NHSL1: variants seen among roughly 807,000 people sequenced by gnomAD.
NHSL1 encodes NHS like 1, also known as NHS-like protein 1.
A neutral mutation model predicts 95.0 loss-of-function variants in NHSL1; 48 were observed. The observed-to-expected ratio is 0.51, with a 90% CI of 0.40 to 0.64. The LOEUF (loss-of-function observed/expected upper bound fraction) is 0.64, where lower values mean the gene tolerates loss of function less well. Ranked by LOEUF, NHSL1 falls within the 30% of genes least tolerant of loss-of-function variation. NHSL1 has a pLI of 0.00. For synonymous variants in NHSL1, 783 were observed against 833.9 expected (o/e 0.94, Z 1.05); for missense variants, 1,971 against 2,077.7 (o/e 0.95, Z 1.00).
rs1056333403 is a variant in NHSL1, at chr6:138,644,670, C to T, written c.96+47806G>A. ...TTATTACCTGAAAATCTGGTTTTTA[C>T]TTAAAAGGAGCAGGGACTGAGAGAT... On this transcript the variant is annotated intron_variant, in intron 1 of 3. Transcript: ENST00000491526. Among the ~76,000 whole-genome samples the T allele has an allele frequency of 5.3e-5, 8 of 152,234 alleles. No homozygotes were observed. In the East Asian group the frequency reaches 1.5e-3, roughly 29 times the overall value.
intron 1 of NHSL1, among the ~76,000 whole-genome samples, chr6:138,537,303 T>G (rs1212591338): frequency 1.3e-5 from 2 of 152,262 alleles, no homozygotes; most frequent in Non-Finnish European, 1.5e-5. Context: ...ATATTTGTGT[T>G]GCTACCACGC....
intron 1 of NHSL1, among the ~76,000 whole-genome samples, chr6:138,563,266 T>G (rs1783481551): frequency 6.6e-6 from 1 of 152,258 alleles, no homozygotes; most frequent in Non-Finnish European, 1.5e-5. Flanking sequence ...AAACATTCAC[T>G]AAATATTAGC....
At chr6:138,436,612 G>A (rs1776117422) in intron 5 of NHSL1, among the ~76,000 whole-genome samples, 1 of 152,248 alleles carries the variant, frequency 6.6e-6, no homozygotes, top group Non-Finnish European at 1.5e-5. Context: ...GTTAATTGAT[G>A]AAGGTGGCTA....
upstream of NHSL1, among the ~76,000 whole-genome samples, chr6:138,577,059 A>G (rs1263254919): frequency 1.3e-5 from 2 of 152,250 alleles, no homozygotes; most frequent in East Asian, 1.9e-4. Flanking sequence ...AGATTTATCT[A>G]TGCTTCTACC....
At chr6:138,518,983 G>C (rs563063585) in intron 1 of NHSL1, among the ~76,000 whole-genome samples, 1 of 151,892 alleles carries the variant, frequency 6.6e-6, no homozygotes, top group Non-Finnish European at 1.5e-5. Flanking sequence ...GCACCACTGC[G>C]CTCCAGCCTG....
upstream of NHSL1, among the ~76,000 whole-genome samples, chr6:138,504,097 T>C (rs1780832727): frequency 6.6e-6 from 1 of 151,918 alleles, no homozygotes; most frequent in Admixed American, 6.6e-5. Context: ...TAGCCCGGTG[T>C]GGTGGTTCAT....
intron 1 of NHSL1, among the ~76,000 whole-genome samples, chr6:138,624,997 TGAGA>T (rs991449916): frequency 2.0e-5 from 3 of 152,120 alleles, no homozygotes; most frequent in African/African-American, 4.8e-5. Flanking sequence ...TGTGTGTGTG[TGAGA>T]GAGAGATATT....
At chr6:138,623,014 T>C (rs898366985) in intron 1 of NHSL1, among the ~76,000 whole-genome samples, 3 of 152,130 alleles carry the variant, frequency 2.0e-5, no homozygotes, top group Non-Finnish European at 4.4e-5. Flanking sequence ...ATACGCATAA[T>C]ACAGGGCCCT....
chr6:138,429,590 A>G, intron 7 of NHSL1, 121 bp downstream of exon 7: 1 of 850,804 alleles, frequency 1.2e-6, no homozygotes, highest in South Asian at 2.2e-5. Flanking sequence ...ATCAACAGTA[A>G]AGTTAAGGAG....
chr6:138,433,258 C>T lies in NHSL1; in HGVS notation c.1087G>A (p.Ala363Thr). 1 of 1,551,542 alleles carries T rather than the reference C, an allele frequency of 6.4e-7. No individual in the cohort carries two copies. The highest frequency in any genetic ancestry group is 8.7e-7 in the Non-Finnish European group (1 of 1,146,972). ...CCTAAATGGCCTAAGTTTTCATCTG[C>T]TTGTGGGTGACCTCTCTGGTAGAGG... is the stretch of plus-strand genomic sequence containing the variant. ...TFLYQRGHPQ[A>T]DENLGHLGGA... Residue 363 changes from alanine to threonine, a missense_variant, in exon 6 of 8, where the codon GCA (alanine) becomes ACA (threonine). Physicochemically the swap from Ala to Thr is moderately conservative, Grantham distance 58. Coordinates refer to ENST00000343505, the MANE Select transcript of NHSL1 (RefSeq NM_001144060.2).
intron 1 of NHSL1, among the ~76,000 whole-genome samples, chr6:138,690,131 C>T (rs1210184889): frequency 6.6e-6 from 1 of 152,184 alleles, no homozygotes; most frequent in Non-Finnish European, 1.5e-5. Context: ...CCTTTACGGT[C>T]AATTCCAAGT....
At chr6:138,525,616 T>G (rs1460112714) in intron 1 of NHSL1, among the ~76,000 whole-genome samples, 1 of 151,840 alleles carries the variant, frequency 6.6e-6, no homozygotes, top group Non-Finnish European at 1.5e-5. Context: ...CACTCTATAA[T>G]GTACCCAAAG....
chr6:138,660,971 A>G (rs1346864469), intron 1 of NHSL1, among the ~76,000 whole-genome samples: 1 of 152,192 alleles, frequency 6.6e-6, no homozygotes, highest in East Asian at 1.9e-4. Flanking sequence ...GCACGCCTGT[A>G]GTCCCAGTTG....
intron 1 of NHSL1, among the ~76,000 whole-genome samples, chr6:138,559,411 C>T (rs1783328517): frequency 6.6e-6 from 1 of 152,224 alleles, no homozygotes; most frequent in African/African-American, 2.4e-5. Context: ...ACTTTCAAGG[C>T]TTATACACCA....
intron 1 of NHSL1, among the ~76,000 whole-genome samples, chr6:138,675,141 G>C (rs1785432321): frequency 6.6e-6 from 1 of 151,976 alleles, no homozygotes; most frequent in Non-Finnish European, 1.5e-5. Flanking sequence ...TCTGCTTACA[G>C]TCACCAATTG....
At chr6:138,584,928 G>C (rs1384465906) in intron 1 of NHSL1, among the ~76,000 whole-genome samples, 1 of 152,122 alleles carries the variant, frequency 6.6e-6, no homozygotes, top group African/African-American at 2.4e-5. Context: ...CTACAACAGA[G>C]CTGCCGCAAA....
intron 1 of NHSL1, among the ~76,000 whole-genome samples, chr6:138,586,712 G>A (rs1237234102): frequency 6.6e-6 from 1 of 152,202 alleles, no homozygotes; most frequent in African/African-American, 2.4e-5. Context: ...GTAGTGGGGA[G>A]AGTGTGAAAG....
chr6:138,496,894 G>A (rs1001007983), intron 1 of NHSL1, among the ~76,000 whole-genome samples: 7 of 152,132 alleles, frequency 4.6e-5, no homozygotes, highest in African/African-American at 1.4e-4. Flanking sequence ...AAAATTAAGC[G>A]TAAACATTCA....
intron 2 of NHSL1, among the ~76,000 whole-genome samples, chr6:138,489,981 A>G (rs1583291538): frequency 4.8e-5 from 5 of 103,182 alleles, no homozygotes; most frequent in African/African-American, 8.1e-5. Flanking sequence ...AGAGGGGGAG[A>G]GGGGGAGAGA....
Sources: allele counts gnomAD v4.1 joint callset (sites outside exome capture counted in the v4.1 genomes callset), GRCh38; gene constraint gnomAD v4.1.1; transcripts MANE v1.5; gene names NCBI Gene and HGNC (gene_info 2026-07-23, HGNC 2026-07-21).